Variants in DAPK1 observed in about 807,000 individuals in gnomAD.
DAPK1 encodes the protein death-associated protein kinase 1.
DAPK1 carries 56 observed loss-of-function variants against 144.9 expected under a neutral mutation model. That is an observed-to-expected ratio of 0.39 (90% CI 0.31 to 0.48). The LOEUF (loss-of-function observed/expected upper bound fraction) is 0.48, where lower values mean the gene tolerates loss of function less well. Among genes scored for constraint, DAPK1 ranks in the 20% least tolerant of loss-of-function variants. The pLI is 0.95. For synonymous variants in DAPK1, 690 were observed against 749.0 expected (o/e 0.92, Z 1.29); for missense variants, 1,454 against 1,875.4 (o/e 0.78, Z 4.15).
intron 17 of DAPK1, among the ~76,000 whole-genome samples, chr9:87,656,931 G>A (rs36214720): frequency 6.6e-6 from 1 of 152,168 alleles, no homozygotes; most frequent in Non-Finnish European, 1.5e-5. Flanking sequence ...TGAGAGTAAG[G>A]GGGGAGGGGA....
Position 87,707,822 on chromosome 9 carries a change from C to T in DAPK1, c.*458C>T, listed in dbSNP as rs1426472777. The T allele has an allele frequency of 6.6e-6, 3 of 456,998 alleles. No homozygotes were observed. The highest frequency in any genetic ancestry group is 1.3e-5 in the Non-Finnish European group (3 of 227,294). The allele number at this position is 456,998 out of a possible 1,614,324, so 28.3% of individuals were successfully genotyped here. A position where few individuals can be genotyped will look rare whatever the true frequency, so the allele number is the denominator to read the frequency against. ...GTTATACCATTTCCTCAGCTTATCTCTTTTATATTTGTAGGAGAAACTCCC... is the reference window on the plus strand; with the variant it reads ...GTTATACCATTTCCTCAGCTTATCTTTTTTATATTTGTAGGAGAAACTCCC... On this transcript the variant is annotated 3_prime_UTR_variant, in exon 26 of 26. Coordinates refer to ENST00000408954, the MANE Select transcript of DAPK1 (RefSeq NM_004938.4). The surrounding 1 kb of genome is among the most constrained non-coding windows in gnomAD (Gnocchi z 4.0).
intron 17 of DAPK1, among the ~76,000 whole-genome samples, chr9:87,656,819 C>T (rs1487616922): frequency 1.3e-5 from 2 of 152,066 alleles, no homozygotes; most frequent in African/African-American, 2.4e-5. Flanking sequence ...GACCACATCT[C>T]GGCTGTTTAA....
intron 2 of DAPK1, among the ~76,000 whole-genome samples, chr9:87,562,440 A>C (rs1563995506): frequency 6.6e-6 from 1 of 152,194 alleles, no homozygotes; most frequent in Non-Finnish European, 1.5e-5. Context: ...GGGAACCAAC[A>C]GGAGGAGTTG....
chr9:87,518,108 T>G (rs1199930248), intron 2 of DAPK1, among the ~76,000 whole-genome samples: 45 of 26,446 alleles, frequency 1.7e-3, no homozygotes, highest in East Asian at 3.8e-3. Context: ...TGTTGTTGTT[T>G]TTTTTTTTTT....
chr9:87,585,018 A>G (rs1008820691), intron 2 of DAPK1, among the ~76,000 whole-genome samples: 13 of 152,114 alleles, frequency 8.5e-5, no homozygotes, highest in African/African-American at 2.9e-4. Flanking sequence ...TCCATTGCCC[A>G]TTTTAAAATC....
chr9:87,614,885 C>A (rs1368635418), intron 3 of DAPK1, among the ~76,000 whole-genome samples: 3 of 152,308 alleles, frequency 2.0e-5, no homozygotes, highest in South Asian at 2.1e-4. Context: ...GGCTTTCCCC[C>A]ACTCTGGTCA....
At chr9:87,596,138 G>A (rs1828307528) in intron 2 of DAPK1, among the ~76,000 whole-genome samples, 1 of 152,116 alleles carries the variant, frequency 6.6e-6, no homozygotes. Context: ...TTCCCATACA[G>A]GGTTTGCCTT....
At chr9:87,587,712 A>G (rs754157359) in intron 2 of DAPK1, among the ~76,000 whole-genome samples, 9 of 152,244 alleles carry the variant, frequency 5.9e-5, no homozygotes, top group Non-Finnish European at 1.2e-4. Flanking sequence ...TGAAAGGGCA[A>G]CAACCACTGC....
intron 2 of DAPK1, among the ~76,000 whole-genome samples, chr9:87,568,893 G>A (rs1001364817): frequency 1.3e-5 from 2 of 152,172 alleles, no homozygotes; most frequent in African/African-American, 4.8e-5. Context: ...GTCCTCAGAT[G>A]TGTGGTGGTC....
intron 21 of DAPK1, among the ~76,000 whole-genome samples, chr9:87,693,070 G>A (rs571090514): frequency 7.5e-6 from 1 of 133,546 alleles, no homozygotes; most frequent in South Asian, 2.5e-4. Context: ...TTTTTCGATT[G>A]TATCTGTTTG....
intron 22 of DAPK1, among the ~76,000 whole-genome samples, chr9:87,697,639 A>G (rs777527999): frequency 6.6e-6 from 1 of 152,200 alleles, no homozygotes; most frequent in Non-Finnish European, 1.5e-5. Flanking sequence ...GCAGTTCTTC[A>G]TCCTGTAATT....
At position 87,498,079 on chromosome 9, in the gene DAPK1, A is replaced by C. The variant is rs1824244664; in HGVS notation, c.-137A>C. 1 of 397,414 alleles carries C rather than the reference A, an allele frequency of 2.5e-6. No homozygotes were observed. The highest frequency in any genetic ancestry group is 3.6e-5 in the East Asian group (1 of 27,986). The allele number at this position is 397,414 out of a possible 1,614,324, so 24.6% of individuals were successfully genotyped here. A position where few individuals can be genotyped will look rare whatever the true frequency, so the allele number is the denominator to read the frequency against. On this transcript the variant is annotated 5_prime_UTR_variant, in exon 1 of 26. Transcript: ENST00000408954. ...TGGTCGGCCTCCGACAGCGCTCCGG[A>C]GGGACCGGGGGAGCTCCCAGGCGCC...
rs893608225 is a variant in DAPK1, at chr9:87,698,594, G to T, written c.2612-62G>T. 14 of 1,062,406 alleles carry T rather than the reference G, an allele frequency of 1.3e-5. No individual in the cohort carries two copies. The African/African-American group carries it at 2.2e-4, about 16-fold the overall frequency. 65.8% of individuals were successfully genotyped at this position (1,062,406 alleles called of 1,614,324 possible). On this transcript the variant is annotated intron_variant, in intron 22 of 25. Transcript: ENST00000408954. Reference sequence around the variant, plus strand: ...GAGGCCAACACACCGCCCTCACCTGGGCAGGAGAGGCAGCCAGGTAGGAGG... The same window carrying T: ...GAGGCCAACACACCGCCCTCACCTGTGCAGGAGAGGCAGCCAGGTAGGAGG...
intron 2 of DAPK1, among the ~76,000 whole-genome samples, chr9:87,543,007 AT>A (rs1280561138): frequency 6.6e-6 from 1 of 152,208 alleles, no homozygotes; most frequent in Non-Finnish European, 1.5e-5. Flanking sequence ...TAGAAAACAA[AT>A]TTTTATTGCT....
At chr9:87,610,487 G>T (rs2118988692) in intron 3 of DAPK1, among the ~76,000 whole-genome samples, 1 of 152,382 alleles carries the variant, frequency 6.6e-6, no homozygotes, top group African/African-American at 2.4e-5. Context: ...TCTAAAGTGT[G>T]TGGCATTGTT....
chr9:87,518,816 A>G (rs560467728), intron 2 of DAPK1, among the ~76,000 whole-genome samples: 2 of 152,190 alleles, frequency 1.3e-5, no homozygotes, highest in East Asian at 3.9e-4. Context: ...GCCCGCGCCC[A>G]GTATTTGGCA....
chr9:87,654,472 T>TA lies in DAPK1; in HGVS notation c.1824+2750dup, dbSNP rs558618554. On this transcript the variant is annotated intron_variant, in intron 17 of 25. Transcript: ENST00000408954. ...TTATTCCTTTTGCATGTTATGTGAT[T>TA]AACTCAAGCAGAAATTGAAATTGGT... 1.9e-3 allele frequency among the ~76,000 whole-genome samples: 287 copies of TA among 152,328 alleles called. 1 individual carries two copies. Among genetic ancestry groups the TA allele is most frequent in the African/African-American group, 6.5e-3 (271 of 41,572 alleles).
chr9:87,626,725 CCTTCAGGTGAA>C (rs1829506926), intron 3 of DAPK1, among the ~76,000 whole-genome samples: 1 of 152,142 alleles, frequency 6.6e-6, no homozygotes, highest in African/African-American at 2.4e-5. Context: ...CTTATCTAGA[CCTTCAGGTGAA>C]CATTAAGCTA....
chr9:87,510,474 A>C (rs1366885401), intron 2 of DAPK1, among the ~76,000 whole-genome samples: 4 of 152,232 alleles, frequency 2.6e-5, no homozygotes, highest in Non-Finnish European at 5.9e-5. Context: ...ACCTCTCCAG[A>C]GCATGTCCTA....
Sources: allele counts gnomAD v4.1 joint callset (sites outside exome capture counted in the v4.1 genomes callset), GRCh38; gene constraint gnomAD v4.1.1; non-coding constraint Gnocchi (gnomAD v3.1); transcripts MANE v1.5; gene names NCBI Gene and HGNC (gene_info 2026-07-23, HGNC 2026-07-21).